The following LIMD1 variants were observed in gnomAD, a reference collection of about 807,000 sequenced individuals.
LIMD1 encodes the protein LIM domain-containing protein 1.
In LIMD1, 23 loss-of-function variants were observed where a neutral mutation model predicts 58.4. The observed-to-expected ratio is 0.39, with a 90% CI of 0.28 to 0.56. The LOEUF (loss-of-function observed/expected upper bound fraction) is 0.56. LIMD1 is among the 20% of genes least tolerant of loss of function. The pLI is 0.57. For synonymous variants in LIMD1, 334 were observed against 345.5 expected (o/e 0.97, Z 0.37); for missense variants, 838 against 855.5 (o/e 0.98, Z 0.25).
At chr3:45,666,448 G>A (rs1697519993) in intron 3 of LIMD1, among the ~76,000 whole-genome samples, 1 of 152,172 alleles carries the variant, frequency 6.6e-6, no homozygotes, top group African/African-American at 2.4e-5. Context: ...CATGTGCAGG[G>A]TACAAAGCAC....
At chr3:45,658,442 A>G (rs1411177037) in intron 2 of LIMD1, among the ~76,000 whole-genome samples, 3 of 151,840 alleles carry the variant, frequency 2.0e-5, no homozygotes, top group Non-Finnish European at 2.9e-5. Context: ...GATCAGAGCA[A>G]TACCTGCTCA....
chr3:45,607,756 G>A (rs553716774), intron 1 of LIMD1, among the ~76,000 whole-genome samples: 1 of 152,274 alleles, frequency 6.6e-6, no homozygotes, highest in African/African-American at 2.4e-5. Context: ...AGCATGTGAC[G>A]GCCATTTCAG....
chr3:45,624,732 A>G (rs1375332201), intron 1 of LIMD1, among the ~76,000 whole-genome samples: 1 of 151,572 alleles, frequency 6.6e-6, no homozygotes, highest in African/African-American at 2.4e-5. Context: ...CAAAAACAAA[A>G]CAAAACAAAA....
chr3:45,607,201 G>T (rs935572911), intron 1 of LIMD1, among the ~76,000 whole-genome samples: 3 of 152,152 alleles, frequency 2.0e-5, no homozygotes, highest in Non-Finnish European at 4.4e-5. Flanking sequence ...GCGTGGCAAC[G>T]CAGGGTAGCA....
intron 1 of LIMD1, among the ~76,000 whole-genome samples, chr3:45,624,229 C>A (rs1274464813): frequency 6.6e-6 from 1 of 152,172 alleles, no homozygotes; most frequent in East Asian, 1.9e-4. Context: ...CCCCTTTCAG[C>A]ATACAGTAGG....
In LIMD1 at chr3:45,685,223, T is replaced by C. The variant is rs1313578503; in HGVS notation, c.*8164T>C. The C allele has an allele frequency of 1.3e-5, 2 of 152,342 alleles. No homozygotes were observed. Among genetic ancestry groups the C allele is most frequent in the Non-Finnish European group, 2.9e-5 (2 of 68,036 alleles). The allele number at this position is 152,342 out of a possible 1,614,324, so 9.4% of individuals were successfully genotyped here. A position where few individuals can be genotyped will look rare whatever the true frequency, so the allele number is the denominator to read the frequency against. On this transcript the variant is annotated 3_prime_UTR_variant, in exon 8 of 8. Coordinates refer to ENST00000273317, the MANE Select transcript of LIMD1 (RefSeq NM_014240.3). Reference sequence around the variant, plus strand: ...ATTGGCTGGTTCCTTATCCTGAACATTGGTTTCCTTGGAATCTGATTTTGG... The same window carrying C: ...ATTGGCTGGTTCCTTATCCTGAACACTGGTTTCCTTGGAATCTGATTTTGG...
At chr3:45,598,854 T>C (rs929510771) in intron 1 of LIMD1, among the ~76,000 whole-genome samples, 1 of 152,206 alleles carries the variant, frequency 6.6e-6, no homozygotes, top group Non-Finnish European at 1.5e-5. Context: ...AGAGTCCCTG[T>C]AGGCCTGGTC....
At chr3:45,632,201 A>G (rs979094974) in intron 1 of LIMD1, among the ~76,000 whole-genome samples, 3 of 152,214 alleles carry the variant, frequency 2.0e-5, no homozygotes, top group Non-Finnish European at 4.4e-5. Flanking sequence ...TTTGTTGCTC[A>G]TTGTAAAGGC....
At chr3:45,614,705 A>AGAAT (rs1701560175) in intron 1 of LIMD1, among the ~76,000 whole-genome samples, 1 of 151,776 alleles carries the variant, frequency 6.6e-6, no homozygotes, top group African/African-American at 2.4e-5. Context: ...CCTGGGCAAC[A>AGAAT]GAATGAGGCC....
In LIMD1 at chr3:45,677,303, C is replaced by G. The variant is rs1559527697; in HGVS notation, c.*244C>G. 3 of 453,326 alleles carry G rather than the reference C, an allele frequency of 6.6e-6. No individual in the cohort carries two copies. The allele number at this position is 453,326 out of a possible 1,614,324, so 28.1% of individuals were successfully genotyped here. A position where few individuals can be genotyped will look rare whatever the true frequency, so the allele number is the denominator to read the frequency against. ...TCCTCAGGTTACTCAGGAAAATGCT[C>G]CAGCATGTGCGAGCACATGACCTGA... On this transcript the variant is annotated 3_prime_UTR_variant, in exon 8 of 8. Transcript: ENST00000273317.
intron 2 of LIMD1, among the ~76,000 whole-genome samples, chr3:45,665,241 A>G (rs575341701): frequency 2.0e-5 from 3 of 152,174 alleles, no homozygotes; most frequent in African/African-American, 7.2e-5. Flanking sequence ...GTCCTGGAGC[A>G]TATGTCCAAG....
intron 2 of LIMD1, among the ~76,000 whole-genome samples, chr3:45,664,172 A>T (rs1697481885): frequency 6.6e-6 from 1 of 151,342 alleles, no homozygotes; most frequent in Admixed American, 6.6e-5. Flanking sequence ...TGCCCGGCCA[A>T]TTTTTGTACC....
intron 1 of LIMD1, among the ~76,000 whole-genome samples, chr3:45,619,826 C>T (rs1701613306): frequency 2.3e-5 from 1 of 43,684 alleles, no homozygotes; most frequent in Admixed American, 2.0e-4. Context: ...AACCAACCCC[C>T]CGCCCCCCCC....
At position 45,664,577 on chromosome 3, in the gene LIMD1, T is replaced by C. The variant is rs558159117; in HGVS notation, c.1511-1073T>C. ...GACCACCACAGCAAAGAAGATGGAT[T>C]TGTAGTTAAAGTTACTTCCTTTTTT... On this transcript the variant is annotated intron_variant, in intron 2 of 7. Transcript: ENST00000273317. Among the ~76,000 whole-genome samples, 7 of 152,340 alleles carry C rather than the reference T, an allele frequency of 4.6e-5. 1 individual carries two copies. In the East Asian group the frequency reaches 1.3e-3, roughly 29 times the overall value.
At chr3:45,597,216 C>G (rs985205819) in intron 1 of LIMD1, among the ~76,000 whole-genome samples, 1 of 152,114 alleles carries the variant, frequency 6.6e-6, no homozygotes, top group Non-Finnish European at 1.5e-5. Context: ...TGCCTGGAAA[C>G]TGATTAGAAA....
chr3:45,654,977 T>C (rs988258218), intron 2 of LIMD1, among the ~76,000 whole-genome samples: 1 of 150,664 alleles, frequency 6.6e-6, no homozygotes, highest in African/African-American at 2.4e-5. Context: ...TGGAGTACAA[T>C]GGTGCAATCT....
intron 2 of LIMD1, among the ~76,000 whole-genome samples, chr3:45,644,898 T>C (rs917478082): frequency 1.3e-5 from 2 of 151,690 alleles, no homozygotes; most frequent in Admixed American, 6.6e-5. Context: ...ATAGGGGAGG[T>C]AGAATTCAAT....
chr3:45,662,353 GTCACC>G (rs1026018355), intron 2 of LIMD1, among the ~76,000 whole-genome samples: 3 of 151,802 alleles, frequency 2.0e-5, no homozygotes, highest in African/African-American at 7.3e-5. Flanking sequence ...TTATTTACCT[GTCACC>G]CAGAATGCAC....
At chr3:45,639,419 A>G (rs913590392) in intron 2 of LIMD1, among the ~76,000 whole-genome samples, 1 of 152,212 alleles carries the variant, frequency 6.6e-6, no homozygotes, top group Non-Finnish European at 1.5e-5. Context: ...AGTACCATAC[A>G]CTGGTTGGCT....
Sources: gnomAD v4.1 joint callset for allele counts (sites outside exome capture counted in the v4.1 genomes callset) on GRCh38, gnomAD v4.1.1 for gene constraint, MANE v1.5 for transcripts, NCBI Gene and HGNC (gene_info 2026-07-23, HGNC 2026-07-21) for gene names.